CELF2: variants seen among roughly 807,000 people sequenced by gnomAD.
The protein encoded by CELF2 is CUG triplet repeat RNA-binding protein 2.
In CELF2, 8 loss-of-function variants were observed where a neutral mutation model predicts 62.6. That is an observed-to-expected ratio of 0.13 (90% confidence interval 0.07 to 0.23). CELF2 has a LOEUF of 0.23. CELF2 is among the 10% of genes least tolerant of loss of function. The probability of loss-of-function intolerance (pLI) is 1.00; values close to 1 mark genes in which losing one functional copy is unlikely to be tolerated. For missense variants in CELF2, 333 were observed against 671.0 expected (o/e 0.50, Z 5.56); for synonymous variants, 258 against 250.0 (o/e 1.03, Z -0.30).
At chr10:10,625,809 G>C in the CELF2 span, among the ~76,000 whole-genome samples, 1 of 152,220 alleles carries the variant, frequency 6.6e-6, no homozygotes, top group Non-Finnish European at 1.5e-5. Flanking sequence ...CAGAGGAACA[G>C]GGTCGATCTG....
the CELF2 span, among the ~76,000 whole-genome samples, chr10:10,687,168 T>G: frequency 9.1e-3 from 1,389 of 152,268 alleles, 22 homozygotes; most frequent in African/African-American, 0.032. Context: ...GATGGGCACA[T>G]GCAAAGTGCT....
At chr10:10,809,405 C>T (rs2055603086) in intron 1 of CELF2, among the ~76,000 whole-genome samples, 1 of 152,198 alleles carries the variant, frequency 6.6e-6, no homozygotes, top group Non-Finnish European at 1.5e-5. Flanking sequence ...AGACTAATCA[C>T]AACATAATAT....
chr10:10,639,191 G>A, the CELF2 span, among the ~76,000 whole-genome samples: 1 of 152,204 alleles, frequency 6.6e-6, no homozygotes, highest in Non-Finnish European at 1.5e-5. Flanking sequence ...CTGACATGGT[G>A]AAATTTTTTC....
the CELF2 span, among the ~76,000 whole-genome samples, chr10:10,564,667 C>T: frequency 2.1e-5 from 2 of 95,776 alleles, no homozygotes; most frequent in Admixed American, 2.0e-4. Flanking sequence ...CACACACACA[C>T]ACACACGCAC....
chr10:10,940,981 G>A (rs1279187479), intron 2 of CELF2, among the ~76,000 whole-genome samples: 1 of 152,136 alleles, frequency 6.6e-6, no homozygotes, highest in Non-Finnish European at 1.5e-5. Context: ...TGCCAACTGT[G>A]TTAACTTCAT....
At chr10:10,943,540 C>A (rs2047283958) in intron 2 of CELF2, among the ~76,000 whole-genome samples, 1 of 152,186 alleles carries the variant, frequency 6.6e-6, no homozygotes, top group South Asian at 2.1e-4. Context: ...GAGCCTGAGG[C>A]AAAACACTGT....
At chr10:10,715,679 A>G in the CELF2 span, among the ~76,000 whole-genome samples, 1 of 152,190 alleles carries the variant, frequency 6.6e-6, no homozygotes, top group African/African-American at 2.4e-5. Flanking sequence ...ACAAGGATTT[A>G]GTTTTATTCC....
At chr10:10,907,038 T>C (rs2063406903) in intron 1 of CELF2, among the ~76,000 whole-genome samples, 1 of 152,128 alleles carries the variant, frequency 6.6e-6, no homozygotes, top group Non-Finnish European at 1.5e-5. Flanking sequence ...AGAAATCTTT[T>C]CCCAAAATCT....
chr10:11,125,442 T>TAAA (rs3054369), intron 1 of CELF2, among the ~76,000 whole-genome samples: 38,045 of 145,596 alleles, frequency 0.26, 5,943 homozygotes, highest in East Asian at 0.76. Context: ...AGTAACTGGA[T>TAAA]AAAAAAAAAA....
chr10:10,484,829 T>C, the CELF2 span, among the ~76,000 whole-genome samples: 1 of 152,152 alleles, frequency 6.6e-6, no homozygotes, highest in Non-Finnish European at 1.5e-5. Flanking sequence ...AACTAATAAT[T>C]AGGCAGTATA....
At chr10:10,782,465 A>G in the CELF2 span, among the ~76,000 whole-genome samples, 1 of 152,208 alleles carries the variant, frequency 6.6e-6, no homozygotes, top group Non-Finnish European at 1.5e-5. Flanking sequence ...ATGCCCATCT[A>G]CATTGGGGAG....
At chr10:10,696,853 C>T in the CELF2 span, among the ~76,000 whole-genome samples, 19 of 152,340 alleles carry the variant, frequency 1.2e-4, no homozygotes, top group Non-Finnish European at 2.4e-4. Flanking sequence ...GCGCACGGTG[C>T]GTGCACCCAA....
At chr10:10,844,979 T>A (rs1216077333) in intron 1 of CELF2, among the ~76,000 whole-genome samples, 1 of 152,144 alleles carries the variant, frequency 6.6e-6, no homozygotes, top group African/African-American at 2.4e-5. Context: ...CATTCCATTT[T>A]TGTAGAAAAG....
intron 3 of CELF2, among the ~76,000 whole-genome samples, chr10:11,229,020 C>T (rs1337624052): frequency 2.0e-5 from 3 of 152,088 alleles, no homozygotes; most frequent in African/African-American, 7.2e-5. Flanking sequence ...GATCACAGAC[C>T]CTAGAAGCAC....
In CELF2 at chr10:11,290,220, A is replaced by G. The variant is rs975785576; in HGVS notation, c.976+1668A>G. Among the ~76,000 whole-genome samples, 21 of 152,340 alleles carry G rather than the reference A, an allele frequency of 1.4e-4. No homozygotes were observed. The highest frequency in any genetic ancestry group is 2.6e-4 in the Admixed American group (4 of 15,312). On this transcript the variant is annotated intron_variant, in intron 9 of 12. Transcript: ENST00000633077. This position sits in a 1 kb window ranked among gnomAD's most constrained non-coding sequence, Gnocchi z 4.3. Reference sequence around the variant, plus strand: ...AGGGACTTGGACAAGAAGCAAAGCAATGAGTGTCAGATCTGTGACAGAATC... The same window carrying G: ...AGGGACTTGGACAAGAAGCAAAGCAGTGAGTGTCAGATCTGTGACAGAATC...
chr10:10,627,563 C>T, the CELF2 span, among the ~76,000 whole-genome samples: 2 of 152,166 alleles, frequency 1.3e-5, no homozygotes, highest in Non-Finnish European at 2.9e-5. Context: ...CAGATGTTTG[C>T]TCATTTGAGC....
At chr10:10,653,906 T>G in the CELF2 span, among the ~76,000 whole-genome samples, 1 of 151,492 alleles carries the variant, frequency 6.6e-6, no homozygotes, top group South Asian at 2.1e-4. Flanking sequence ...AAAAAACCCT[T>G]CAAAACATCA....
At chr10:11,162,884 C>A (rs1018466096) in intron 1 of CELF2, among the ~76,000 whole-genome samples, 1 of 152,052 alleles carries the variant, frequency 6.6e-6, no homozygotes, top group Non-Finnish European at 1.5e-5. Context: ...TCCGCTATAC[C>A]CATTTTACAG....
chr10:10,682,540 A>G, the CELF2 span, among the ~76,000 whole-genome samples: 2 of 152,182 alleles, frequency 1.3e-5, no homozygotes, highest in Admixed American at 1.3e-4. Context: ...CCGTTTGAAG[A>G]GCACCTGCTA....
Sources: gnomAD v4.1 joint callset for allele counts (sites outside exome capture counted in the v4.1 genomes callset) on GRCh38, gnomAD v4.1.1 for gene constraint, Gnocchi (gnomAD v3.1) non-coding constraint, MANE v1.5 for transcripts, NCBI Gene and HGNC (gene_info 2026-07-23, HGNC 2026-07-21) for gene names.